Variants in SCAPER observed in about 807,000 individuals in gnomAD.
SCAPER encodes S-phase cyclin A associated protein in the ER, also known as S phase cyclin A-associated protein in the endoplasmic reticulum.
In SCAPER, 98 loss-of-function variants were observed where a neutral mutation model predicts 182.2. The ratio of observed to expected loss-of-function variants is 0.54; its 90% CI spans 0.46 to 0.64. SCAPER has a LOEUF of 0.64. Among genes scored for constraint, SCAPER ranks in the 30% least tolerant of loss-of-function variants. The probability of loss-of-function intolerance (pLI) is 0.00; values close to 1 mark genes in which losing one functional copy is unlikely to be tolerated. For missense variants in SCAPER, 1,432 were observed against 1,690.0 expected (o/e 0.85, Z 2.68); for synonymous variants, 605 against 564.6 (o/e 1.07, Z -1.01).
intron 26 of SCAPER, 27 bp downstream of exon 26, chr15:76,434,051 A>C: frequency 6.4e-7 from 1 of 1,569,658 alleles, no homozygotes; most frequent in Non-Finnish European, 8.7e-7. Context: ...ACAAAGAACA[A>C]AGTTTTAAGA....
chr15:76,524,859 C>A (rs1183625132), intron 23 of SCAPER, among the ~76,000 whole-genome samples: 5 of 151,782 alleles, frequency 3.3e-5, no homozygotes, highest in Non-Finnish European at 7.4e-5. Flanking sequence ...CCTAACCATT[C>A]AAATAATCCA....
intron 29 of SCAPER, among the ~76,000 whole-genome samples, chr15:76,372,479 TTG>T (rs1470245382): frequency 6.6e-6 from 1 of 152,162 alleles, no homozygotes; most frequent in East Asian, 1.9e-4. Flanking sequence ...GATGCCAAAA[TTG>T]TGTGTTTTAT....
intron 1 of SCAPER, among the ~76,000 whole-genome samples, chr15:76,888,037 T>G (rs982639757): frequency 3.3e-5 from 5 of 152,176 alleles, no homozygotes; most frequent in African/African-American, 1.2e-4. Flanking sequence ...AGGCAAACAG[T>G]GTCTGGAGTG....
At position 76,840,586 on chromosome 15, in the gene SCAPER, A is replaced by T. The variant is rs1056954103; in HGVS notation, c.393+1148T>A. ...ACCTATTTTGACTGTTTCCAATTTA[A>T]GAGGAAACATAGCTGCTGTCTCAAT... is the stretch of plus-strand genomic sequence containing the variant. On this transcript the variant is annotated intron_variant, in intron 5 of 31. Transcript: ENST00000563290. 1.2e-4 allele frequency among the ~76,000 whole-genome samples: 19 copies of T among 152,296 alleles called. 1 individual carries two copies. Among genetic ancestry groups the T allele is most frequent in the African/African-American group, 4.1e-4 (17 of 41,560 alleles).
At chr15:76,719,378 C>T (rs779555768) in intron 17 of SCAPER, among the ~76,000 whole-genome samples, 3 of 151,884 alleles carry the variant, frequency 2.0e-5, no homozygotes, top group Non-Finnish European at 2.9e-5. Context: ...TTAGTTATCA[C>T]GGGTGTGCAT....
chr15:76,870,429 C>T (rs1206067705), intron 2 of SCAPER, among the ~76,000 whole-genome samples: 1 of 149,358 alleles, frequency 6.7e-6, no homozygotes, highest in Non-Finnish European at 1.5e-5. Context: ...AGACTAAAAA[C>T]CAAGAAAAAA....
chr15:76,534,312 G>T (rs987570641), intron 23 of SCAPER, among the ~76,000 whole-genome samples: 25 of 152,174 alleles, frequency 1.6e-4, no homozygotes, highest in African/African-American at 6.0e-4. Context: ...AGAAAACAAA[G>T]ATCTTGTTTG....
At chr15:76,879,460 C>A (rs1485745778) in intron 2 of SCAPER, among the ~76,000 whole-genome samples, 2 of 152,128 alleles carry the variant, frequency 1.3e-5, no homozygotes, top group African/African-American at 2.4e-5. Flanking sequence ...GATCTCAGAT[C>A]TTTTACTGGA....
chr15:76,595,512 T>C lies in SCAPER; in HGVS notation c.2712-21228A>G, dbSNP rs1253146177. Among the ~76,000 whole-genome samples, 25 of 121,894 alleles carry C rather than the reference T, an allele frequency of 2.1e-4. 6 individuals carry two copies. Among genetic ancestry groups the C allele is most frequent in the African/African-American group, 4.5e-4 (18 of 39,784 alleles). 80.0% of individuals were successfully genotyped at this position (121,894 alleles called of 152,430 possible). ...CCACCCCAAATCAATAGAATATACA[T>C]TCTTCTCAGTACCACATCGCATTTA... On this transcript the variant is annotated intron_variant, in intron 22 of 31. Transcript: ENST00000563290.
chr15:76,857,667 C>T (rs192916935), intron 4 of SCAPER, 142 bp downstream of exon 4: 53 of 583,110 alleles, frequency 9.1e-5, no homozygotes, highest in African/African-American at 7.7e-4. Context: ...TTACCATATA[C>T]ACATTTGTTT....
At chr15:76,809,526 C>T (rs886778768) in intron 5 of SCAPER, among the ~76,000 whole-genome samples, 7 of 151,784 alleles carry the variant, frequency 4.6e-5, no homozygotes, top group Non-Finnish European at 1.0e-4. Context: ...GGATCAGGAA[C>T]TCTAAGACAG....
intron 7 of SCAPER, among the ~76,000 whole-genome samples, chr15:76,798,106 T>A (rs945154403): frequency 3.3e-5 from 5 of 152,098 alleles, no homozygotes; most frequent in Admixed American, 6.5e-5. Context: ...GTACCTGTAA[T>A]CCTAGCACAT....
intron 5 of SCAPER, among the ~76,000 whole-genome samples, chr15:76,825,050 T>C (rs1000118992): frequency 3.3e-5 from 5 of 152,192 alleles, no homozygotes; most frequent in Non-Finnish European, 7.3e-5. Flanking sequence ...TGCTAAGTTA[T>C]AAAGCTCAAA....
At chr15:76,502,250 A>T (rs375258354) in intron 24 of SCAPER, among the ~76,000 whole-genome samples, 5 of 152,184 alleles carry the variant, frequency 3.3e-5, no homozygotes, top group African/African-American at 1.2e-4. Flanking sequence ...CAGTAATGGG[A>T]TGGCTGGGTC....
At chr15:76,403,938 G>A (rs930616649) in intron 27 of SCAPER, among the ~76,000 whole-genome samples, 2 of 152,082 alleles carry the variant, frequency 1.3e-5, no homozygotes, top group Non-Finnish European at 2.9e-5. Context: ...AGTAGGATGG[G>A]GTAGGGTAGT....
chr15:76,663,762 T>C (rs1356631978), intron 21 of SCAPER, among the ~76,000 whole-genome samples: 3 of 152,154 alleles, frequency 2.0e-5, no homozygotes, highest in African/African-American at 7.2e-5. Flanking sequence ...GAAAATGTTC[T>C]ATATCTTGAT....
chr15:76,786,507 C>G (rs2064619705), intron 8 of SCAPER, among the ~76,000 whole-genome samples: 1 of 152,044 alleles, frequency 6.6e-6, no homozygotes, highest in Non-Finnish European at 1.5e-5. Flanking sequence ...TGATAAAGAA[C>G]ATCCATAAAA....
At chr15:76,799,841 G>C (rs1197427547) in intron 7 of SCAPER, among the ~76,000 whole-genome samples, 1 of 152,058 alleles carries the variant, frequency 6.6e-6, no homozygotes, top group Non-Finnish European at 1.5e-5. Flanking sequence ...TCACACAAAT[G>C]AAACTCCATT....
In SCAPER at chr15:76,471,300, G is replaced by A. The variant is rs372412330; in HGVS notation, c.2990C>T (p.Thr997Ile). 9 of 1,611,482 alleles carry A rather than the reference G, an allele frequency of 5.6e-6. No homozygotes were observed. The highest frequency in any genetic ancestry group is 1.3e-5 in the African/African-American group (1 of 74,774). The change falls in exon 25 of 32, where the codon ACC becomes ATC. Residue 997 changes from threonine (T) to isoleucine (I), a missense_variant. By Grantham distance (89) the Thr-to-Ile change is moderately conservative. Transcript: ENST00000563290. ...GCAGTTTTCTGAACAGTTATTGCAG[G>A]TGAGGTTGTAAACATTGATTGCATT... ...LCNAINVYNL[T>I]CNNCSENCSD... is the part of the protein sequence containing the mutation.
Sources: allele counts gnomAD v4.1 joint callset (sites outside exome capture counted in the v4.1 genomes callset), GRCh38; gene constraint gnomAD v4.1.1; transcripts MANE v1.5; gene names NCBI Gene and HGNC (gene_info 2026-07-23, HGNC 2026-07-21).